Variants in DFFB observed in about 807,000 individuals in gnomAD.
The protein encoded by DFFB is DNA fragmentation factor 40 kDa subunit.
A neutral mutation model predicts 32.7 loss-of-function variants in DFFB; 29 were observed. The ratio of observed to expected loss-of-function variants is 0.89; its 90% CI spans 0.66 to 1.21. DFFB has a LOEUF of 1.21. DFFB is among the 50% of genes most tolerant of loss of function. The probability of loss-of-function intolerance (pLI) is 0.00; values close to 1 mark genes in which losing one functional copy is unlikely to be tolerated. For synonymous variants in DFFB, 170 were observed against 177.1 expected (o/e 0.96, Z 0.32); for missense variants, 398 against 440.6 (o/e 0.90, Z 0.87).
chr1:3,874,602 C>A (rs1645185819), intron 6 of DFFB, among the ~76,000 whole-genome samples: 1 of 114,290 alleles, frequency 8.7e-6, no homozygotes, highest in Non-Finnish European at 1.8e-5. Flanking sequence ...TGTAGCTGCA[C>A]CTTTACCACA....
rs1422689821 is a variant in DFFB at position 3,857,643 on chromosome 1, C to T, written c.40C>T (p.Arg14Cys). Residue 14 changes from arginine (R) to cysteine (C), a missense_variant, in exon 1 of 7, where the codon CGC (arginine) becomes TGC (cysteine). Arg to Cys is a radical substitution (Grantham distance 180). Transcript: ENST00000378209. ...CAAGAGCGTGAAGCTGCGGGCCCTGCGCAGCCCGAGGAAGTTCGGCGTGGC... is the reference window on the plus strand; with the variant it reads ...CAAGAGCGTGAAGCTGCGGGCCCTGTGCAGCCCGAGGAAGTTCGGCGTGGC... ...KPKSVKLRAL[R>C]SPRKFGVAGR... 1.9e-6 allele frequency: 3 copies of T among 1,600,884 alleles called. No homozygotes were observed. The highest frequency in any genetic ancestry group is 2.7e-5 in the African/African-American group (2 of 74,360).
intron 6 of DFFB, 58 bp downstream of exon 6, chr1:3,872,630 GTGGCCCTGTCCCTGCCA>G (rs1236804139): frequency 3.5e-6 from 5 of 1,444,048 alleles, no homozygotes; most frequent in Admixed American, 3.4e-5. Context: ...TGTCCCTGCC[GTGGCCCTGTCCCTGCCA>G]TGGCCCTGTC....
At chr1:3,858,961 G>A in intron 2 of DFFB, 117 bp downstream of exon 2, 1 of 1,442,486 alleles carries the variant, frequency 6.9e-7, no homozygotes, top group Admixed American at 2.4e-5. Context: ...GAACTCTCGG[G>A]TCTCAAGGAG....
chr1:3,864,319 A>G (rs2124732485), intron 2 of DFFB, among the ~76,000 whole-genome samples: 1 of 152,272 alleles, frequency 6.6e-6, no homozygotes, highest in South Asian at 2.1e-4. Context: ...TTATATTTCA[A>G]TAAAGCTACT....
Position 3,869,595 on chromosome 1 carries a change from G to C in DFFB, c.511-10G>C. On this transcript the variant is annotated splice_polypyrimidine_tract_variant and intron_variant, in intron 4 of 6. Transcript: ENST00000378209. ...GCACCAGGCTCACCGACGTTCCTTG[G>C]TTCCTCCAGGTGAGCTCCTACCCCT... 1 of 1,597,918 alleles carries C rather than the reference G, an allele frequency of 6.3e-7. No homozygotes were observed. The highest frequency in any genetic ancestry group is 8.5e-7 in the Non-Finnish European group (1 of 1,171,526).
At chr1:3,874,964 T>C (rs1319771463) in intron 6 of DFFB, among the ~76,000 whole-genome samples, 54 of 83,412 alleles carry the variant, frequency 6.5e-4, no homozygotes, top group Middle Eastern at 0.011. Flanking sequence ...GCGGCCCACG[T>C]TGTCGTCTGC....
intron 2 of DFFB, among the ~76,000 whole-genome samples, chr1:3,861,531 C>T (rs749261297): frequency 2.0e-5 from 3 of 152,096 alleles, no homozygotes; most frequent in South Asian, 2.1e-4. Context: ...TGGGCTCAAG[C>T]GATCCTCCTA....
Position 3,865,975 on chromosome 1 carries a change from G to A in DFFB, c.405G>A (p.Arg135=), listed in dbSNP as rs780305831. 1.3e-6 allele frequency: 2 copies of A among 1,576,828 alleles called. No homozygotes were observed. Among genetic ancestry groups the A allele is most frequent in the East Asian group, 2.3e-5 (1 of 44,418 alleles). Residue 135 remains arginine, a synonymous_variant, in exon 3 of 7, where the codon CGG becomes CGA. Coordinates refer to ENST00000378209, the MANE Select transcript of DFFB (RefSeq NM_004402.4). This position sits in a 1 kb window ranked among gnomAD's most constrained non-coding sequence, Gnocchi z 4.7. ...NVSQNIAAET[R]AEDPPWFEGL... is the part of the protein sequence containing the mutation. ...GCCAGAACATCGCGGCCGAGACCCGGGCTGAGGACCCGCCGTGGTTTGAAG... is the reference window on the plus strand; with the variant it reads ...GCCAGAACATCGCGGCCGAGACCCGAGCTGAGGACCCGCCGTGGTTTGAAG...
At chr1:3,868,469 C>G (rs988382096) in intron 4 of DFFB, among the ~76,000 whole-genome samples, 9 of 152,140 alleles carry the variant, frequency 5.9e-5, no homozygotes, top group Non-Finnish European at 1.0e-4. Flanking sequence ...TGAGCCCATC[C>G]TTGGTCTGCA....
In DFFB at chr1:3,884,359, G is replaced by A. The variant is rs1245117147; in HGVS notation, c.*618G>A. ...GCGTTGGGTTTGCTCATGTAATGTG[G>A]TCACCATACTCAAATGGTGTCATGG... On this transcript the variant is annotated 3_prime_UTR_variant, in exon 7 of 7. Coordinates refer to ENST00000378209, the MANE Select transcript of DFFB (RefSeq NM_004402.4). 6.5e-6 allele frequency: 1 copy of A among 153,356 alleles called. No individual in the cohort carries two copies. The highest frequency in any genetic ancestry group is 1.5e-5 in the Non-Finnish European group (1 of 68,868). 9.5% of individuals were successfully genotyped at this position (153,356 alleles called of 1,614,324 possible).
chr1:3,864,260 C>T (rs565821049), intron 2 of DFFB, among the ~76,000 whole-genome samples: 14 of 152,230 alleles, frequency 9.2e-5, no homozygotes, highest in Admixed American at 5.2e-4. Context: ...CCACCGCGCC[C>T]GGCCTCTGAA....
chr1:3,869,151 C>G (rs893566981), intron 4 of DFFB, among the ~76,000 whole-genome samples: 3 of 152,246 alleles, frequency 2.0e-5, no homozygotes, highest in African/African-American at 7.2e-5. Context: ...CCTCTGCCTT[C>G]CAGGTTCAAG....
At chr1:3,875,851 A>G (rs1245985674) in intron 6 of DFFB, among the ~76,000 whole-genome samples, 1 of 152,182 alleles carries the variant, frequency 6.6e-6, no homozygotes, top group Non-Finnish European at 1.5e-5. Context: ...ATTTCGGCTC[A>G]CTGCCACCTC....
chr1:3,866,650 G>A (rs192390619), intron 3 of DFFB, among the ~76,000 whole-genome samples: 11 of 152,050 alleles, frequency 7.2e-5, no homozygotes, highest in African/African-American at 1.7e-4. Context: ...CATTGTATGC[G>A]GCCATCCCCA....
At position 3,863,826 on chromosome 1, in the gene DFFB, G is replaced by A. The variant is rs534295432; in HGVS notation, c.242-1986G>A. On this transcript the variant is annotated intron_variant, in intron 2 of 6. Transcript: ENST00000378209. ...GATTAGTGGTTGTTTAGGGTTGGGG[G>A]TAGGGTAGAGGGGAGGGAGGTTGGT... 2.6e-5 allele frequency among the ~76,000 whole-genome samples: 4 copies of A among 152,254 alleles called. No individual in the cohort carries two copies. In the South Asian group the frequency reaches 8.3e-4, roughly 32 times the overall value.
Position 3,884,162 on chromosome 1 carries a change from G to C in DFFB, c.*421G>C. The C allele has an allele frequency of 4.5e-6, 1 of 224,200 alleles. No homozygotes were observed. The highest frequency in any genetic ancestry group is 9.0e-6 in the Non-Finnish European group (1 of 111,612). The allele number at this position is 224,200 out of a possible 1,614,324, so 13.9% of individuals were successfully genotyped here. ...GCCTCCCAAAGTGCTGGGATGACAG[G>C]TGTGAGCCACTGCGCCCAGCCTGAA... On this transcript the variant is annotated 3_prime_UTR_variant, in exon 7 of 7. Transcript: ENST00000378209.
intron 6 of DFFB, chr1:3,873,234 G>A: frequency 6.1e-6 from 1 of 165,116 alleles, no homozygotes; most frequent in Non-Finnish European, 1.3e-5. Context: ...GAGCTCTATG[G>A]CTCTAACAAA....
rs35930817 is a variant in DFFB, at chr1:3,872,798, C to T, written c.782+226C>T. On this transcript the variant is annotated intron_variant, in intron 6 of 6. Coordinates refer to ENST00000378209, the MANE Select transcript of DFFB (RefSeq NM_004402.4). ...CACACACCATTCCCTCCACTGTCAG[C>T]ATGTGTACCTGACCCGGAGCCAGCC... Among the ~76,000 whole-genome samples the T allele has an allele frequency of 0.15, 22,639 of 152,198 alleles. 1,682 individuals are homozygous for T. The highest frequency in any genetic ancestry group is 0.17 in the South Asian group (815 of 4,824).
At chr1:3,875,399 T>G (rs1251789155) in intron 6 of DFFB, among the ~76,000 whole-genome samples, 1 of 152,212 alleles carries the variant, frequency 6.6e-6, no homozygotes, top group Non-Finnish European at 1.5e-5. Context: ...TGTCTGAGCT[T>G]GAGTCCCTCT....
Sources: gnomAD v4.1 joint callset for allele counts (sites outside exome capture counted in the v4.1 genomes callset) on GRCh38, gnomAD v4.1.1 for gene constraint, Gnocchi (gnomAD v3.1) non-coding constraint, MANE v1.5 for transcripts, NCBI Gene and HGNC (gene_info 2026-07-23, HGNC 2026-07-21) for gene names.